Variants in AGBL1 observed in about 807,000 individuals in gnomAD.
AGBL1 encodes cytosolic carboxypeptidase 4.
AGBL1 carries 130 observed loss-of-function variants against 118.9 expected under a neutral mutation model. The ratio of observed to expected loss-of-function variants is 1.09; its 90% CI spans 0.95 to 1.26. The LOEUF (loss-of-function observed/expected upper bound fraction) is 1.26, where lower values mean the gene tolerates loss of function less well. AGBL1 is among the 50% of genes most tolerant of loss of function. The probability of loss-of-function intolerance (pLI) is 0.00; values close to 1 mark genes in which losing one functional copy is unlikely to be tolerated. For missense variants in AGBL1, 1,584 were observed against 1,298.1 expected (o/e 1.22, Z -3.38); for synonymous variants, 555 against 478.9 (o/e 1.16, Z -2.08).
intron 21 of AGBL1, among the ~76,000 whole-genome samples, chr15:86,606,928 C>A (rs1421990494): frequency 1.3e-5 from 2 of 152,064 alleles, no homozygotes; most frequent in African/African-American, 2.4e-5. Context: ...CATATAGAGT[C>A]GTTTTACTGC....
intron 21 of AGBL1, among the ~76,000 whole-genome samples, chr15:86,624,621 C>G (rs2084857186): frequency 6.6e-6 from 1 of 152,180 alleles, no homozygotes; most frequent in Non-Finnish European, 1.5e-5. Context: ...AGTGGAGGAG[C>G]AGTGAGCCTG....
rs1349927440 is a variant in AGBL1 at position 86,924,093 on chromosome 15, C to T, written c.3222-63894C>T. ...TATGAAGCAATCTTTAAATGGAAAG[C>T]CTAGATAAAATGTCTATTCATGCAT... On this transcript the variant is annotated intron_variant, in intron 23 of 24. Coordinates refer to the AGBL1 transcript ENST00000441037. Among the ~76,000 whole-genome samples the T allele has an allele frequency of 2.0e-5, 3 of 152,178 alleles. No homozygotes were observed. The South Asian group carries it at 6.2e-4, about 31-fold the overall frequency.
intron 21 of AGBL1, among the ~76,000 whole-genome samples, chr15:86,673,592 T>C (rs1056578376): frequency 1.3e-5 from 2 of 152,154 alleles, no homozygotes; most frequent in Non-Finnish European, 2.9e-5. Flanking sequence ...TCACAGGGCT[T>C]TGGTAAGGAT....
intron 22 of AGBL1, among the ~76,000 whole-genome samples, chr15:86,756,976 T>G (rs1341351713): frequency 6.6e-6 from 1 of 150,950 alleles, no homozygotes. Flanking sequence ...CCTCTACTCA[T>G]TCCGCTTGTA....
intron 22 of AGBL1, among the ~76,000 whole-genome samples, chr15:86,699,651 C>A (rs1596381616): frequency 6.6e-6 from 1 of 151,896 alleles, no homozygotes; most frequent in African/African-American, 2.4e-5. Context: ...TTAGCTTATC[C>A]ACTTTGGGCA....
intron 17 of AGBL1, among the ~76,000 whole-genome samples, chr15:86,359,099 G>A (rs1218948099): frequency 3.3e-5 from 5 of 151,718 alleles, no homozygotes; most frequent in Non-Finnish European, 7.4e-5. Flanking sequence ...CATCACCCAG[G>A]CCAATATTAA....
At chr15:86,967,167 G>T (rs2081063439) in intron 23 of AGBL1, among the ~76,000 whole-genome samples, 2 of 152,052 alleles carry the variant, frequency 1.3e-5, no homozygotes, top group South Asian at 4.2e-4. Flanking sequence ...ACTTGTTGAT[G>T]GGGTTGTTTG....
chr15:86,359,514 T>C (rs2080772767), intron 17 of AGBL1, among the ~76,000 whole-genome samples: 1 of 151,524 alleles, frequency 6.6e-6, no homozygotes, highest in South Asian at 2.1e-4. Context: ...AAGATTGATT[T>C]CTCTATTCAC....
chr15:86,663,900 A>G (rs907835136), intron 21 of AGBL1, among the ~76,000 whole-genome samples: 9 of 152,156 alleles, frequency 5.9e-5, no homozygotes, highest in African/African-American at 1.7e-4. Flanking sequence ...ACCTAATGAT[A>G]TAGTCTCTGA....
chr15:86,542,020 G>A (rs1229523708), intron 19 of AGBL1, among the ~76,000 whole-genome samples: 3 of 152,322 alleles, frequency 2.0e-5, no homozygotes, highest in Middle Eastern at 3.4e-3. Flanking sequence ...TCATTGACAT[G>A]AGTATACAAT....
At chr15:86,153,047 T>G (rs868600058) in intron 3 of AGBL1, among the ~76,000 whole-genome samples, 1 of 152,172 alleles carries the variant, frequency 6.6e-6, no homozygotes, top group Non-Finnish European at 1.5e-5. Flanking sequence ...ATAGGAATGC[T>G]TTTACACTGT....
intron 1 of AGBL1, among the ~76,000 whole-genome samples, chr15:86,103,154 T>C (rs539894749): frequency 3.9e-5 from 6 of 152,326 alleles, no homozygotes; most frequent in African/African-American, 1.4e-4. Flanking sequence ...TGGTTCTCTT[T>C]AATTATATCT....
chr15:86,426,328 G>T (rs747583713), intron 18 of AGBL1, among the ~76,000 whole-genome samples: 1 of 152,186 alleles, frequency 6.6e-6, no homozygotes, highest in Non-Finnish European at 1.5e-5. Flanking sequence ...ACCAAAGAAA[G>T]GTGTTCTGGC....
chr15:86,300,171 G>A (rs917135103), intron 17 of AGBL1, among the ~76,000 whole-genome samples: 1 of 152,056 alleles, frequency 6.6e-6, no homozygotes, highest in South Asian at 2.1e-4. Context: ...ACCCAGAAAT[G>A]CACACAACCA....
chr15:86,607,572 T>C (rs1312746788), intron 21 of AGBL1, among the ~76,000 whole-genome samples: 33 of 152,212 alleles, frequency 2.2e-4, no homozygotes, highest in Admixed American at 2.2e-3. Flanking sequence ...CGCCATATCC[T>C]TACCAGCATT....
At chr15:86,959,265 T>C (rs2080966319) in intron 23 of AGBL1, among the ~76,000 whole-genome samples, 1 of 152,156 alleles carries the variant, frequency 6.6e-6, no homozygotes, top group Non-Finnish European at 1.5e-5. Context: ...TCCAATTGAT[T>C]AAAGGTATTT....
At chr15:86,917,750 T>G (rs537018481), downstream of AGBL1, among the ~76,000 whole-genome samples, 1 of 148,742 alleles carries the variant, frequency 6.7e-6, no homozygotes, top group Admixed American at 6.8e-5. The surrounding 1 kb of genome is among the most constrained non-coding windows in gnomAD (Gnocchi z 4.8). Flanking sequence ...ATTCGGGGAG[T>G]GGGGCCAGGG....
chr15:86,675,980 A>G (rs905987292), intron 22 of AGBL1, among the ~76,000 whole-genome samples: 4 of 152,186 alleles, frequency 2.6e-5, no homozygotes, highest in Admixed American at 6.5e-5. Flanking sequence ...TCAGGCTTCA[A>G]ATACAATGGC....
chr15:87,014,303 T>C (rs991470737), intron 24 of AGBL1, among the ~76,000 whole-genome samples: 6 of 152,192 alleles, frequency 3.9e-5, no homozygotes, highest in Admixed American at 3.9e-4. Context: ...ATTGCATTCT[T>C]ATTTCAATTT....
Sources: gnomAD v4.1 joint callset for allele counts (sites outside exome capture counted in the v4.1 genomes callset) on GRCh38, gnomAD v4.1.1 for gene constraint, Gnocchi (gnomAD v3.1) non-coding constraint, MANE v1.5 for transcripts, NCBI Gene and HGNC (gene_info 2026-07-23, HGNC 2026-07-21) for gene names.